Variants in MSI2 observed in about 807,000 individuals in gnomAD.
MSI2 encodes the protein RNA-binding protein Musashi homolog 2.
MSI2 carries 17 observed loss-of-function variants against 45.6 expected under a neutral mutation model. The ratio of observed to expected loss-of-function variants is 0.37; its 90% CI spans 0.26 to 0.56. The LOEUF is 0.56. MSI2 is among the 20% of genes least tolerant of loss of function. The pLI is 0.77. For synonymous variants in MSI2, 156 were observed against 158.2 expected (o/e 0.99, Z 0.11); for missense variants, 293 against 444.2 (o/e 0.66, Z 3.06).
At chr17:57,537,034 G>T (rs2086935388) in intron 7 of MSI2, among the ~76,000 whole-genome samples, 1 of 152,196 alleles carries the variant, frequency 6.6e-6, no homozygotes. Context: ...GGAGTGGAGA[G>T]CTGTGATGTG....
At chr17:57,506,823 C>A (rs1185579960) in intron 6 of MSI2, among the ~76,000 whole-genome samples, 2 of 152,104 alleles carry the variant, frequency 1.3e-5, no homozygotes, top group Non-Finnish European at 2.9e-5. Flanking sequence ...TTAGACAGGG[C>A]GTCTTGGGAG....
intron 5 of MSI2, among the ~76,000 whole-genome samples, chr17:57,319,340 G>C (rs9904821): frequency 1.3e-5 from 2 of 152,184 alleles, no homozygotes; most frequent in East Asian, 3.8e-4. Flanking sequence ...CATGTGTTTC[G>C]GTGGCATGGC....
intron 10 of MSI2, among the ~76,000 whole-genome samples, chr17:57,650,871 C>T (rs534524580): frequency 1.4e-4 from 22 of 152,264 alleles, no homozygotes; most frequent in African/African-American, 4.6e-4. Flanking sequence ...CTGCCCTTGA[C>T]GGTGCATGTC....
rs386386327 is a variant in MSI2, at chr17:57,295,992, C to CTTTTTTT, written c.312+33828_312+33834dup. On this transcript the variant is annotated intron_variant, in intron 5 of 13. Transcript: ENST00000284073. ...TGAGTTACCAGTTCACGCAGCCTTC[C>CTTTTTTT]TTTTTTTTTTTTTTTTTTTTTTTTT... Among the ~76,000 whole-genome samples, 13 of 38,654 alleles carry CTTTTTTT rather than the reference C, an allele frequency of 3.4e-4. 2 individuals carry two copies. The highest frequency in any genetic ancestry group is 6.1e-4 in the African/African-American group (9 of 14,796). The allele number at this position is 38,654 out of a possible 152,430, so 25.4% of individuals were successfully genotyped here. A position where few individuals can be genotyped will look rare whatever the true frequency, so the allele number is the denominator to read the frequency against.
chr17:57,526,353 C>CTGGG (rs1567877797), intron 6 of MSI2, among the ~76,000 whole-genome samples: 1 of 103,446 alleles, frequency 9.7e-6, no homozygotes, highest in Admixed American at 1.0e-4. Context: ...CCTGATATAC[C>CTGGG]TGGGTGTGTG....
rs1793357344 is a variant in MSI2 at position 57,682,079 on chromosome 17, G to C, written c.*2562G>C. The C allele has an allele frequency of 5.0e-6, 1 of 201,762 alleles. No individual in the cohort carries two copies. Among genetic ancestry groups the C allele is most frequent in the Non-Finnish European group, 1.0e-5 (1 of 98,390 alleles). 12.5% of individuals were successfully genotyped at this position (201,762 alleles called of 1,614,324 possible). On this transcript the variant is annotated 3_prime_UTR_variant, in exon 14 of 14. Transcript: ENST00000284073. ...TCTTTCTTCTAGTACATATTGATAG[G>C]TATAACATAATTAAGGTTTAAAAAA... is the stretch of plus-strand genomic sequence containing the variant.
At chr17:57,560,595 G>A (rs891677363) in intron 7 of MSI2, among the ~76,000 whole-genome samples, 1 of 152,178 alleles carries the variant, frequency 6.6e-6, no homozygotes, top group Non-Finnish European at 1.5e-5. Flanking sequence ...GCAACCTTAG[G>A]CCAGTTATAT....
At chr17:57,540,261 ATAT>A (rs1448790983) in intron 7 of MSI2, among the ~76,000 whole-genome samples, 40 of 152,288 alleles carry the variant, frequency 2.6e-4, no homozygotes, top group Middle Eastern at 3.4e-3. Flanking sequence ...TGTCATTATC[ATAT>A]TAATTATTGT....
intron 7 of MSI2, among the ~76,000 whole-genome samples, chr17:57,567,443 C>T (rs953696726): frequency 3.3e-5 from 5 of 152,322 alleles, no homozygotes; most frequent in African/African-American, 7.2e-5. Flanking sequence ...TCTGGCATAG[C>T]GAGTGTGAAA....
chr17:57,681,007 A>T lies in MSI2; in HGVS notation c.*1490A>T, dbSNP rs78602492. The stretch of plus-strand genomic sequence containing the variant: ...GAAAGCAACCTTTTGGTTTATATAT[A>T]TTTTTTTTAATACCTCAGTGCTGCA... On this transcript the variant is annotated 3_prime_UTR_variant, in exon 14 of 14. Transcript: ENST00000284073. 7.6e-4 allele frequency: 142 copies of T among 185,708 alleles called. 1 individual carries two copies. The East Asian group carries it at 7.7e-3, about 10-fold the overall frequency. 11.5% of individuals were successfully genotyped at this position (185,708 alleles called of 1,614,324 possible). A position where few individuals can be genotyped will look rare whatever the true frequency, so the allele number is the denominator to read the frequency against.
chr17:57,647,624 C>T (rs917331553), intron 10 of MSI2, among the ~76,000 whole-genome samples: 1 of 151,870 alleles, frequency 6.6e-6, no homozygotes, highest in African/African-American at 2.4e-5. Context: ...ATCACAATGG[C>T]AGGTGTCACC....
chr17:57,396,738 T>G (rs1053920482), intron 5 of MSI2, among the ~76,000 whole-genome samples: 2 of 152,160 alleles, frequency 1.3e-5, no homozygotes, highest in Non-Finnish European at 1.5e-5. Flanking sequence ...TGCAGAACTT[T>G]CCAGCAATGA....
chr17:57,398,838 A>G (rs995838260), intron 5 of MSI2, among the ~76,000 whole-genome samples: 5 of 152,278 alleles, frequency 3.3e-5, no homozygotes, highest in Admixed American at 2.0e-4. Context: ...TAGCAAAGTT[A>G]GATTAGTAAA....
intron 10 of MSI2, among the ~76,000 whole-genome samples, chr17:57,644,598 T>C (rs1279901355): frequency 6.6e-6 from 1 of 152,136 alleles, no homozygotes; most frequent in Non-Finnish European, 1.5e-5. Flanking sequence ...GTTTCTTCTT[T>C]TGCTTGCTTA....
intron 6 of MSI2, among the ~76,000 whole-genome samples, chr17:57,473,754 A>G (rs1487498261): frequency 1.3e-5 from 2 of 152,164 alleles, no homozygotes; most frequent in African/African-American, 2.4e-5. Context: ...CCTTGTCTGG[A>G]CAGGTGCCGA....
chr17:57,393,853 C>T (rs113441744), intron 5 of MSI2, among the ~76,000 whole-genome samples: 3,624 of 152,092 alleles, frequency 0.024, 156 homozygotes, highest in African/African-American at 0.083. Flanking sequence ...AGCTAATTTT[C>T]GTATTTTTAG....
At chr17:57,533,687 C>T (rs948994895) in intron 7 of MSI2, among the ~76,000 whole-genome samples, 2 of 152,166 alleles carry the variant, frequency 1.3e-5, no homozygotes, top group African/African-American at 2.4e-5. Flanking sequence ...TGCTCTTGAT[C>T]AGGAGAGGGC....
chr17:57,571,743 C>G (rs1332797095), intron 7 of MSI2, among the ~76,000 whole-genome samples: 1 of 152,182 alleles, frequency 6.6e-6, no homozygotes, highest in Admixed American at 6.5e-5. Flanking sequence ...AATAATGTCA[C>G]TTTGAGAGCA....
At chr17:57,605,154 A>G (rs2144508480) in intron 8 of MSI2, among the ~76,000 whole-genome samples, 1 of 152,364 alleles carries the variant, frequency 6.6e-6, no homozygotes, top group Non-Finnish European at 1.5e-5. Flanking sequence ...CCAGAGAGGC[A>G]TTTAATAAAT....
Sources: gnomAD v4.1 joint callset for allele counts (sites outside exome capture counted in the v4.1 genomes callset) on GRCh38, gnomAD v4.1.1 for gene constraint, MANE v1.5 for transcripts, NCBI Gene and HGNC (gene_info 2026-07-23, HGNC 2026-07-21) for gene names.